The following PVT1 variants were observed in gnomAD, a reference collection of about 807,000 sequenced individuals.
PVT1 encodes the protein CXCR4/PVT1 fusion.
chr8:128,078,003 G>T (rs1042826650), intron 5 of PVT1, among the ~76,000 whole-genome samples: 1 of 152,214 alleles, frequency 6.6e-6, no homozygotes, highest in Non-Finnish European at 1.5e-5. Context: ...TCGTGGGGAT[G>T]GTTCCTGCCC....
intron 2 of PVT1, among the ~76,000 whole-genome samples, chr8:127,806,233 C>T (rs1338665349): frequency 1.3e-5 from 2 of 152,076 alleles, no homozygotes; most frequent in Non-Finnish European, 2.9e-5. Context: ...AAGGCTGAGG[C>T]GGGCGGATCA....
intron 4 of PVT1, among the ~76,000 whole-genome samples, chr8:128,005,646 C>T (rs1817238246): frequency 6.6e-6 from 1 of 152,200 alleles, no homozygotes; most frequent in African/African-American, 2.4e-5. Context: ...TCCTGCTGTA[C>T]TCCCTGCATC....
intron 4 of PVT1, among the ~76,000 whole-genome samples, chr8:128,005,070 GT>G (rs1433400802): frequency 6.6e-6 from 1 of 152,028 alleles, no homozygotes; most frequent in Non-Finnish European, 1.5e-5. Context: ...AACCTGGGAG[GT>G]GGAGGTTGCA....
rs184290980 is a variant in PVT1 at position 127,904,104 on chromosome 8, A to G, written n.782+13106A>G. ...TTTGTGTCATGTCTGATTTCTTTCA[A>G]CAATGTTTTGTAGTCCTTGTAGAGA... On this transcript the variant is annotated intron_variant and non_coding_transcript_variant, in intron 3 of 10. Coordinates refer to ENST00000651587, the Ensembl canonical transcript of PVT1. 3.3e-4 allele frequency among the ~76,000 whole-genome samples: 51 copies of G among 152,264 alleles called. No individual in the cohort carries two copies. The East Asian group carries it at 9.3e-3, about 28-fold the overall frequency.
At chr8:127,931,770 AC>A (rs1400457178) in intron 3 of PVT1, among the ~76,000 whole-genome samples, 2 of 152,206 alleles carry the variant, frequency 1.3e-5, no homozygotes, top group East Asian at 3.9e-4. Flanking sequence ...TCCCGTCCAG[AC>A]CTCTGTCCAC....
intron 3 of PVT1, among the ~76,000 whole-genome samples, chr8:127,924,211 G>T (rs1381933678): frequency 6.6e-6 from 1 of 152,138 alleles, no homozygotes; most frequent in Non-Finnish European, 1.5e-5. Context: ...ATCATTGCTG[G>T]TGTTATTCCT....
At chr8:127,797,834 C>T (rs752967510) in intron 2 of PVT1, among the ~76,000 whole-genome samples, 1 of 152,076 alleles carries the variant, frequency 6.6e-6, no homozygotes. Flanking sequence ...TTTAACTTTC[C>T]TATAAAATAG....
chr8:127,893,758 G>T (rs948388861), intron 3 of PVT1, among the ~76,000 whole-genome samples: 1 of 152,216 alleles, frequency 6.6e-6, no homozygotes, highest in African/African-American at 2.4e-5. Context: ...TTCATTCATA[G>T]AGAAGCTGGC....
intron 4 of PVT1, among the ~76,000 whole-genome samples, chr8:128,062,839 A>G (rs187575219): frequency 6.6e-6 from 1 of 152,302 alleles, no homozygotes; most frequent in East Asian, 1.9e-4. Context: ...CCTTTCTAGA[A>G]CAGGCTTCCT....
intron 5 of PVT1, among the ~76,000 whole-genome samples, chr8:128,093,512 G>A (rs1419107518): frequency 2.0e-5 from 3 of 152,118 alleles, no homozygotes; most frequent in South Asian, 2.1e-4. Flanking sequence ...AACTGAGATC[G>A]CGCCATTGCC....
intron 4 of PVT1, among the ~76,000 whole-genome samples, chr8:128,018,251 A>G (rs1055328165): frequency 2.0e-5 from 3 of 152,178 alleles, no homozygotes; most frequent in Admixed American, 1.3e-4. Flanking sequence ...AAAGAAAAAG[A>G]TGTTATAAAA....
chr8:127,887,292 G>T (rs778299241), intron 2 of PVT1, among the ~76,000 whole-genome samples: 11 of 152,236 alleles, frequency 7.2e-5, no homozygotes, highest in African/African-American at 7.2e-5. Flanking sequence ...GACTAAAATT[G>T]ACCAAAAGCA....
At chr8:127,919,469 G>A (rs560112678) in intron 3 of PVT1, among the ~76,000 whole-genome samples, 2 of 152,192 alleles carry the variant, frequency 1.3e-5, no homozygotes, top group African/African-American at 2.4e-5. Flanking sequence ...GAGACTGAAG[G>A]CTTCTCCCCA....
At chr8:127,842,017 C>T (rs1023119256) in intron 2 of PVT1, among the ~76,000 whole-genome samples, 12 of 151,834 alleles carry the variant, frequency 7.9e-5, no homozygotes, top group Non-Finnish European at 1.5e-4. Flanking sequence ...AGCCACTGCG[C>T]CTGGCTAAAG....
At chr8:128,046,167 T>C (rs539823362) in intron 4 of PVT1, among the ~76,000 whole-genome samples, 1 of 152,292 alleles carries the variant, frequency 6.6e-6, no homozygotes, top group African/African-American at 2.4e-5. Flanking sequence ...GAAATGACAA[T>C]GCTGAAAGAG....
At chr8:127,824,332 C>G (rs1050789902) in intron 2 of PVT1, among the ~76,000 whole-genome samples, 38 of 152,044 alleles carry the variant, frequency 2.5e-4, no homozygotes, top group African/African-American at 9.2e-4. Context: ...TTCCTCAGGC[C>G]CCTCCCTTGG....
chr8:127,844,839 G>A (rs1301593664), intron 2 of PVT1, among the ~76,000 whole-genome samples: 3 of 152,052 alleles, frequency 2.0e-5, no homozygotes, highest in Middle Eastern at 3.4e-3. Context: ...TCAGCCTCCC[G>A]AGTAGCTGGA....
chr8:127,836,088 A>T (rs1814905717), intron 2 of PVT1, among the ~76,000 whole-genome samples: 1 of 151,926 alleles, frequency 6.6e-6, no homozygotes, highest in Admixed American at 6.6e-5. Flanking sequence ...CTTCTAATAG[A>T]CTCATTCCCT....
intron 2 of PVT1, among the ~76,000 whole-genome samples, chr8:127,817,546 T>TTATATAC (rs1554588972): frequency 3.3e-5 from 3 of 89,936 alleles, no homozygotes; most frequent in Non-Finnish European, 2.3e-5. Flanking sequence ...TATATATATA[T>TTATATAC]ACACACACAC....
Sources: allele counts gnomAD v4.1 joint callset (sites outside exome capture counted in the v4.1 genomes callset), GRCh38; gene constraint gnomAD v4.1.1; transcripts MANE v1.5; gene names NCBI Gene and HGNC (gene_info 2026-07-23, HGNC 2026-07-21).